AMER1: variants seen among roughly 807,000 people sequenced by gnomAD.
AMER1 encodes RP11-403E24.2.
A neutral mutation model predicts 53.0 loss-of-function variants in AMER1; 16 were observed. That is an observed-to-expected ratio of 0.30 (90% CI 0.20 to 0.46). The LOEUF (loss-of-function observed/expected upper bound fraction) is 0.46, where lower values mean the gene tolerates loss of function less well. Among genes scored for constraint, AMER1 ranks in the 20% least tolerant of loss-of-function variants. The probability of loss-of-function intolerance (pLI) is 1.00; values close to 1 mark genes in which losing one functional copy is unlikely to be tolerated. For synonymous variants in AMER1, 354 were observed against 331.9 expected (o/e 1.07, Z -0.73); for missense variants, 947 against 884.9 (o/e 1.07, Z -0.89).
chrX:64,205,466 C>T (rs1278912457), intron 1 of AMER1, 104 bp downstream of exon 1: 1 of 112,648 alleles, frequency 8.9e-6, no homozygotes, highest in Non-Finnish European at 1.9e-5. Context: ...GGGACTCCGA[C>T]CCGCCTAGTC....
rs2147089468 is a variant in AMER1 at position 64,192,373 on chromosome X, A to G, written c.914T>C (p.Val305Ala). Reference protein sequence around the residue: ...AGEVNPPNGPVGDPLSLLFGD... With the variant: ...AGEVNPPNGPAGDPLSLLFGD... ...AAACAAGAGGCTCAGTGGGTCCCCC[A>G]CAGGGCCATTGGGTGGGTTTACCTC... The change falls in exon 2 of 2, where the codon GTG becomes GCG. Residue 305 changes from valine to alanine, a missense_variant. By Grantham distance (64) the Val-to-Ala change is moderately conservative. Coordinates refer to ENST00000374869, the MANE Select transcript of AMER1 (RefSeq NM_152424.4). The G allele has an allele frequency of 8.2e-7, 1 of 1,212,422 alleles. No individual in the cohort carries two copies. Among genetic ancestry groups the G allele is most frequent in the Non-Finnish European group, 1.1e-6 (1 of 895,662 alleles).
chrX:64,189,792 A>ACCGGGGGG lies in AMER1; in HGVS notation c.*86_*87insCCCCCCGG. 1.3e-6 allele frequency: 1 copy of ACCGGGGGG among 746,976 alleles called. No individual in the cohort carries two copies. The highest frequency in any genetic ancestry group is 1.7e-6 in the Non-Finnish European group (1 of 590,431). The allele number at this position is 746,976 out of a possible 1,213,427, so 61.6% of individuals were successfully genotyped here. The stretch of plus-strand genomic sequence containing the variant: ...CCAAAGGGTTTTCAAGTTAAACAAC[A>ACCGGGGGG]ACCCCCACCCCCCCACCCTTCTGCC... On this transcript the variant is annotated 3_prime_UTR_variant, in exon 2 of 2. Coordinates refer to ENST00000374869, the MANE Select transcript of AMER1 (RefSeq NM_152424.4).
In AMER1 at chrX:64,189,793, A is replaced by AGGGGGGCCCCCCCCCCCCCAC; in HGVS notation, c.*85_*86insGTGGGGGGGGGGGGGCCCCCC. The AGGGGGGCCCCCCCCCCCCCAC allele has an allele frequency of 3.4e-6, 1 of 292,074 alleles. No individual in the cohort carries two copies. The highest frequency in any genetic ancestry group is 4.9e-6 in the Non-Finnish European group (1 of 204,832). 24.1% of individuals were successfully genotyped at this position (292,074 alleles called of 1,213,427 possible). ...CAAAGGGTTTTCAAGTTAAACAACA[A>AGGGGGGCCCCCCCCCCCCCAC]CCCCCACCCCCCCACCCTTCTGCCC... On this transcript the variant is annotated 3_prime_UTR_variant, in exon 2 of 2. Transcript: ENST00000374869.
At chrX:64,202,136 C>A (rs185301780) in intron 1 of AMER1, among the ~76,000 whole-genome samples, 10 of 112,389 alleles carry the variant, frequency 8.9e-5, no homozygotes, top group Non-Finnish European at 1.7e-4. Flanking sequence ...CCAGGCCCAG[C>A]CCTTAAGGAA....
chrX:64,189,621 CAAG>C lies in AMER1; in HGVS notation c.*255_*257del. 1.1e-6 allele frequency: 1 copy of C among 952,091 alleles called. No homozygotes were observed. The highest frequency in any genetic ancestry group is 4.3e-5 in the East Asian group (1 of 23,217). The allele number at this position is 952,091 out of a possible 1,213,427, so 78.5% of individuals were successfully genotyped here. On this transcript the variant is annotated 3_prime_UTR_variant, in exon 2 of 2. Coordinates refer to ENST00000374869, the MANE Select transcript of AMER1 (RefSeq NM_152424.4). The stretch of plus-strand genomic sequence containing the variant: ...AGCATCCCAAACCCAGCGTGGGTCA[CAAG>C]AAGAAACCTCGAAAGCAAAAACTGG...
At position 64,191,775 on chromosome X, in the gene AMER1, G is replaced by A. The variant is rs769272408; in HGVS notation, c.1512C>T (p.Ala504=). The change falls in exon 2 of 2, where the codon GCC becomes GCT. Residue 504 remains alanine (A), a synonymous_variant. Transcript: ENST00000374869. ...CLPRDSYSGD[A]LYEFYEPDDS... is the part of the protein sequence containing the mutation. ...CATCTGGCTCATAGAACTCATATAG[G>A]GCATCTCCACTGTAGCTGTCTCGGG... The A allele has an allele frequency of 8.3e-7, 1 of 1,211,463 alleles. No homozygotes were observed. Among genetic ancestry groups the A allele is most frequent in the Non-Finnish European group, 1.1e-6 (1 of 895,370 alleles).
In AMER1 at chrX:64,191,759, C is replaced by T. The variant is rs2147088047; in HGVS notation, c.1528G>A (p.Glu510Lys). The T allele has an allele frequency of 8.3e-7, 1 of 1,211,480 alleles. No homozygotes were observed. The highest frequency in any genetic ancestry group is 1.1e-6 in the Non-Finnish European group (1 of 895,387). The change falls in exon 2 of 2, where the codon GAG (glutamate) becomes AAG (lysine). Residue 510 changes from glutamate (E) to lysine (K), a missense_variant. Glu to Lys is a moderately conservative substitution (Grantham distance 56, BLOSUM62 1). Transcript: ENST00000374869. ...GAGTTCTCAAGGCTGTCATCTGGCT[C>T]ATAGAACTCATATAGGGCATCTCCA... ...YSGDALYEFY[E>K]PDDSLENSPP...
intron 1 of AMER1, among the ~76,000 whole-genome samples, chrX:64,193,911 T>G (rs1930312058): frequency 8.9e-6 from 1 of 112,144 alleles, no homozygotes; most frequent in African/African-American, 3.2e-5. Context: ...TGTCTGAGAC[T>G]GAAAAGTGGA....
At position 64,194,215 on chromosome X, in the gene AMER1, C is replaced by A. The variant is rs1331698046; in HGVS notation, c.-98-831G>T. ...TACTTTAATGCGGTCATCAATGGAA[C>A]CCCAAATTCCACTTGAGAACCATGA... On this transcript the variant is annotated intron_variant, in intron 1 of 1. Coordinates refer to ENST00000374869, the MANE Select transcript of AMER1 (RefSeq NM_152424.4). Among the ~76,000 whole-genome samples, 3 of 111,431 alleles carry A rather than the reference C, an allele frequency of 2.7e-5. No homozygotes were observed. The Admixed American group carries it at 2.9e-4, about 11-fold the overall frequency.
In AMER1 at chrX:64,189,852, G is replaced by A. The variant is rs775426593; in HGVS notation, c.*27C>T. 7.3e-5 allele frequency: 71 copies of A among 969,798 alleles called. No homozygotes were observed. Among genetic ancestry groups the A allele is most frequent in the East Asian group, 3.5e-4 (5 of 14,349 alleles). The allele number at this position is 969,798 out of a possible 1,213,427, so 79.9% of individuals were successfully genotyped here. On this transcript the variant is annotated 3_prime_UTR_variant, in exon 2 of 2. Coordinates refer to ENST00000374869, the MANE Select transcript of AMER1 (RefSeq NM_152424.4). ...ATCCCCATTCACATGCTCAGGCCCC[G>A]TGTCCCTACTCCAGAATTGATAATA...
In AMER1 at chrX:64,191,411, G is replaced by A. The variant is rs1408150272; in HGVS notation, c.1876C>T (p.Arg626Ter). ...CGAACCTCTCGGGCCTGGGCTTCTC[G>A]GGTTCTGGCCTCCCTGCCATGAGCT... ...WEAHGREART[R>*]EAQAREVRCR... Residue 626 changes from arginine (R) to a stop codon, truncating the protein, a stop_gained, in exon 2 of 2, where the codon CGA becomes TGA. Coordinates refer to ENST00000374869, the MANE Select transcript of AMER1 (RefSeq NM_152424.4). LOFTEE classifies it high-confidence loss of function. 1 of 1,211,743 alleles carries A rather than the reference G, an allele frequency of 8.3e-7. No homozygotes were observed. Among genetic ancestry groups the A allele is most frequent in the Non-Finnish European group, 1.1e-6 (1 of 895,463 alleles).
intron 1 of AMER1, among the ~76,000 whole-genome samples, chrX:64,204,239 C>T (rs955227479): frequency 5.3e-5 from 6 of 113,493 alleles, no homozygotes; most frequent in African/African-American, 1.6e-4. Flanking sequence ...AGTGCAGTGC[C>T]CTCTGCCTTG....
Position 64,189,793 on chromosome X carries a change from A to ACGGGGGGGGCCCCCCCC in AMER1, c.*85_*86insGGGGGGGGCCCCCCCCG. 3.4e-6 allele frequency: 1 copy of ACGGGGGGGGCCCCCCCC among 292,071 alleles called. No individual in the cohort carries two copies. The highest frequency in any genetic ancestry group is 4.9e-6 in the Non-Finnish European group (1 of 204,829). 24.1% of individuals were successfully genotyped at this position (292,071 alleles called of 1,213,427 possible). On this transcript the variant is annotated 3_prime_UTR_variant, in exon 2 of 2. Transcript: ENST00000374869. ...CAAAGGGTTTTCAAGTTAAACAACA[A>ACGGGGGGGGCCCCCCCC]CCCCCACCCCCCCACCCTTCTGCCC...
chrX:64,195,243 G>T (rs755011875), intron 1 of AMER1, among the ~76,000 whole-genome samples: 10 of 111,916 alleles, frequency 8.9e-5, no homozygotes, highest in South Asian at 3.8e-4. Context: ...GCCCTATCAT[G>T]TCTGAATGCC....
Position 64,186,418 on chromosome X carries a change from AT to A in AMER1, c.*3460del. 2 of 763,416 alleles carry A rather than the reference AT, an allele frequency of 2.6e-6. No individual in the cohort carries two copies. 62.9% of individuals were successfully genotyped at this position (763,416 alleles called of 1,213,427 possible). A position where few individuals can be genotyped will look rare whatever the true frequency, so the allele number is the denominator to read the frequency against. On this transcript the variant is annotated 3_prime_UTR_variant, in exon 2 of 2. Coordinates refer to ENST00000374869, the MANE Select transcript of AMER1 (RefSeq NM_152424.4). ...AATGCAAACAATATAAAAATAGATA[AT>A]TGACTTTTGATATATATATATATAT... is the stretch of plus-strand genomic sequence containing the variant.
intron 1 of AMER1, among the ~76,000 whole-genome samples, chrX:64,204,395 G>A (rs969064289): frequency 8.8e-6 from 1 of 113,997 alleles, no homozygotes; most frequent in Non-Finnish European, 1.9e-5. Flanking sequence ...TCCAGCTGCC[G>A]CCTAGGCGCT....
In AMER1 at chrX:64,192,242, G is replaced by T; in HGVS notation, c.1045C>A (p.Gln349Lys). The T allele has an allele frequency of 8.3e-7, 1 of 1,211,870 alleles. No homozygotes were observed. The highest frequency in any genetic ancestry group is 1.1e-6 in the Non-Finnish European group (1 of 895,572). Residue 349 changes from glutamine to lysine, a missense_variant, in exon 2 of 2, where the codon CAG (glutamine) becomes AAG (lysine). By Grantham distance (53) the Gln-to-Lys change is moderately conservative (BLOSUM62 1). Transcript: ENST00000374869. ...SMTDSMASGG[Q>K]RANRDGTKRS... ...TTGGTCCCATCTCGGTTTGCTCTCT[G>T]GCCCCCAGAGGCCATGCTGTCTGTC...
rs1930210070 is a variant in AMER1 at position 64,190,145 on chromosome X, G to A, written c.3142C>T (p.Pro1048Ser). The A allele has an allele frequency of 8.3e-7, 1 of 1,208,936 alleles. No homozygotes were observed. The highest frequency in any genetic ancestry group is 1.1e-6 in the Non-Finnish European group (1 of 893,922). ...PQASQSMRAR[P>S]RDVLLPVDEP... ...TCAACAGGCAGCAGCACATCTCGAG[G>A]CCTGGCCCTCATGCTCTGGGAGGCC... Residue 1048 changes from proline (P) to serine (S), a missense_variant, in exon 2 of 2, where the codon CCT (proline) becomes TCT (serine). Physicochemically the swap from Pro to Ser is moderately conservative, Grantham distance 74. Coordinates refer to ENST00000374869, the MANE Select transcript of AMER1 (RefSeq NM_152424.4).
chrX:64,193,473 T>C (rs1930304023), intron 1 of AMER1, 89 bp from the exon 2 acceptor site: 1 of 576,994 alleles, frequency 1.7e-6, no homozygotes, highest in Non-Finnish European at 2.7e-6. Flanking sequence ...ACGTCAGGCT[T>C]GAGTGGAACA....
Sources: gnomAD v4.1 joint callset for allele counts (sites outside exome capture counted in the v4.1 genomes callset) on GRCh38, gnomAD v4.1.1 for gene constraint, MANE v1.5 for transcripts, NCBI Gene and HGNC (gene_info 2026-07-23, HGNC 2026-07-21) for gene names.